Variants in OPN4 observed in about 807,000 individuals in gnomAD.
OPN4 encodes melanopsin.
OPN4 carries 43 observed loss-of-function variants against 49.5 expected under a neutral mutation model. The ratio of observed to expected loss-of-function variants is 0.87; its 90% CI spans 0.68 to 1.12. The LOEUF (loss-of-function observed/expected upper bound fraction) is 1.12, where lower values mean the gene tolerates loss of function less well. Among genes scored for constraint, OPN4 ranks in the 50% most tolerant of loss-of-function variants. OPN4 has a pLI of 0.00. For missense variants in OPN4, 657 were observed against 643.9 expected (o/e 1.02, Z -0.22); for synonymous variants, 263 against 258.0 (o/e 1.02, Z -0.19).
In OPN4 at chr10:86,661,314, G is replaced by A. The variant is rs769471417; in HGVS notation, c.999G>A (p.Ser333=). 2.2e-5 allele frequency: 36 copies of A among 1,613,930 alleles called. No homozygotes were observed. Among genetic ancestry groups the A allele is most frequent in the African/African-American group, 5.3e-5 (4 of 74,904 alleles). ...YAHVLTPYMS[S]VPAVIAKASA... ...ACGTCCTGACACCCTACATGAGCTCGGTGCCAGCCGTCATCGCCAAGGCCT... is the reference window on the plus strand; with the variant it reads ...ACGTCCTGACACCCTACATGAGCTCAGTGCCAGCCGTCATCGCCAAGGCCT... Residue 333 remains serine, a synonymous_variant, in exon 7 of 10, where the codon TCG becomes TCA. Transcript: ENST00000241891.
rs752410695 is a variant in OPN4, at chr10:86,658,479, C to T, written c.425-5C>T. On this transcript the variant is annotated splice_polypyrimidine_tract_variant and splice_region_variant and intron_variant, in intron 3 of 9. Coordinates refer to ENST00000241891, the MANE Select transcript of OPN4 (RefSeq NM_033282.4). ...CAGGACTCAGAGCAGGGGCTGTGCC[C>T]ACAGGCTGCGAGTTCTATGCCTTCT... 3.6e-5 allele frequency: 58 copies of T among 1,613,924 alleles called. No individual in the cohort carries two copies. Among genetic ancestry groups the T allele is most frequent in the Non-Finnish European group, 4.4e-5 (52 of 1,179,990 alleles).
intron 6 of OPN4, 100 bp downstream of exon 6, chr10:86,660,159 A>C: frequency 1.5e-6 from 2 of 1,321,388 alleles, no homozygotes; most frequent in Non-Finnish European, 2.1e-6. Flanking sequence ...CCGGCCAGCC[A>C]TCCTCGCACC....
intron 4 of OPN4, 58 bp from the exon 5 acceptor site, chr10:86,659,239 A>T (rs1843942096): frequency 2.2e-6 from 3 of 1,393,964 alleles, no homozygotes; most frequent in Admixed American, 1.8e-5. Flanking sequence ...AGCTCCTGCC[A>T]GATAAGGAGC....
intron 2 of OPN4, chr10:86,657,197 C>T (rs757754197): frequency 2.6e-6 from 2 of 780,604 alleles, no homozygotes; most frequent in Non-Finnish European, 4.8e-6. Flanking sequence ...CAAAACAGAG[C>T]TGTGCTTCGT....
Position 86,661,406 on chromosome 10 carries a change from A to G in OPN4, c.1073+18A>G, listed in dbSNP as rs528773349. On this transcript the variant is annotated intron_variant, in intron 7 of 9. Coordinates refer to ENST00000241891, the MANE Select transcript of OPN4 (RefSeq NM_033282.4). Reference sequence around the variant, plus strand: ...AAGTACAGGTGTGGCTCTTTTCCAGAACCCCACACCTTGGCCTCCAAGGGC... The same window carrying G: ...AAGTACAGGTGTGGCTCTTTTCCAGGACCCCACACCTTGGCCTCCAAGGGC... 7 of 1,595,108 alleles carry G rather than the reference A, an allele frequency of 4.4e-6. No individual in the cohort carries two copies. In the South Asian group the frequency reaches 7.8e-5, roughly 18 times the overall value.
At chr10:86,657,296 A>G in intron 2 of OPN4, 2 of 762,690 alleles carry the variant, frequency 2.6e-6, no homozygotes, top group South Asian at 2.8e-5. Context: ...GGAGCAAGTC[A>G]CTTCATGAGT....
chr10:86,659,985 C>G lies in OPN4; in HGVS notation c.891C>G (p.Ile297Met). The change falls in exon 6 of 10, where the codon ATC (isoleucine) becomes ATG (methionine). Residue 297 changes from isoleucine (I) to methionine (M), a missense_variant. Ile to Met is a conservative substitution (Grantham distance 10). Coordinates refer to ENST00000241891, the MANE Select transcript of OPN4 (RefSeq NM_033282.4). ...RLQSECKMAKIMLLVILLFVL... is the reference protein window; with the variant it reads ...RLQSECKMAKMMLLVILLFVL... Reference sequence around the variant, plus strand: ...AGAGCGAGTGCAAGATGGCCAAGATCATGCTGCTGGTCATCCTCCTCTTCG... The same window carrying G: ...AGAGCGAGTGCAAGATGGCCAAGATGATGCTGCTGGTCATCCTCCTCTTCG... 1 of 1,614,228 alleles carries G rather than the reference C, an allele frequency of 6.2e-7. No homozygotes were observed. Among genetic ancestry groups the G allele is most frequent in the Non-Finnish European group, 8.5e-7 (1 of 1,180,032 alleles).
rs573415074 is a variant in OPN4 at position 86,654,801 on chromosome 10, G to T, written c.18G>T (p.Gly6=). The T allele has an allele frequency of 8.1e-6, 13 of 1,612,442 alleles. No individual in the cohort carries two copies. The highest frequency in any genetic ancestry group is 1.1e-5 in the Non-Finnish European group (13 of 1,178,834). ...AACTCAGGATGAACCCTCCTTCGGGGCCAAGAGTCCCGCCCAGCCCAACCC... is the reference window on the plus strand; with the variant it reads ...AACTCAGGATGAACCCTCCTTCGGGTCCAAGAGTCCCGCCCAGCCCAACCC... MNPPS[G]PRVPPSPTQE... is the part of the protein sequence containing the mutation. The change falls in exon 1 of 10, where the codon GGG becomes GGT. Residue 6 remains glycine, a synonymous_variant. Coordinates refer to ENST00000241891, the MANE Select transcript of OPN4 (RefSeq NM_033282.4).
chr10:86,660,105 G>T (rs747285988), intron 6 of OPN4, 46 bp downstream of exon 6: 2 of 1,599,098 alleles, frequency 1.3e-6, no homozygotes, highest in Non-Finnish European at 1.7e-6. Context: ...AGGTGTGGGG[G>T]CAGGAGCAAG....
At position 86,654,787 on chromosome 10, in the gene OPN4, A is replaced by T; in HGVS notation, c.4A>T (p.Asn2Tyr). The T allele has an allele frequency of 6.2e-7, 1 of 1,611,686 alleles. No homozygotes were observed. The highest frequency in any genetic ancestry group is 1.3e-5 in the African/African-American group (1 of 75,014). Residue 2 changes from asparagine to tyrosine, a missense_variant, in exon 1 of 10, where the codon AAC (asparagine) becomes TAC (tyrosine). Transcript: ENST00000241891. ...GCAAGGACCATCCCAACTCAGGATG[A>T]ACCCTCCTTCGGGGCCAAGAGTCCC... MNPPSGPRVPPS... is the reference protein window; with the variant it reads MYPPSGPRVPPS...
chr10:86,663,773 C>T lies in OPN4; in HGVS notation c.1369C>T (p.Gln457Ter). ...GGAAGCCAAGGCACCCCCCAGACCCCAGGGACACGAAGCAGAGACTCCAGG... is the reference window on the plus strand; with the variant it reads ...GGAAGCCAAGGCACCCCCCAGACCCTAGGGACACGAAGCAGAGACTCCAGG... ...DLEAKAPPRP[Q>*]GHEAETPGKT... Residue 457 changes from glutamine to a stop codon, truncating the protein, a stop_gained, in exon 9 of 10, where the codon CAG becomes TAG. Coordinates refer to ENST00000241891, the MANE Select transcript of OPN4 (RefSeq NM_033282.4). LOFTEE classifies it high-confidence loss of function. 6.4e-7 allele frequency: 1 copy of T among 1,558,058 alleles called. No individual in the cohort carries two copies. Among genetic ancestry groups the T allele is most frequent in the Non-Finnish European group, 8.7e-7 (1 of 1,151,132 alleles).
At chr10:86,661,833 C>T (rs1427258974) in intron 7 of OPN4, among the ~76,000 whole-genome samples, 3 of 152,154 alleles carry the variant, frequency 2.0e-5, no homozygotes, top group African/African-American at 7.2e-5. Context: ...GCTGCTTCTC[C>T]CTTAGTGCTT....
At chr10:86,660,181 T>A in intron 6 of OPN4, 122 bp downstream of exon 6, 1 of 1,094,404 alleles carries the variant, frequency 9.1e-7, no homozygotes, top group East Asian at 2.5e-5. Flanking sequence ...TAGGACCAGC[T>A]TCACAGCTTA....
intron 5 of OPN4, among the ~76,000 whole-genome samples, 186 bp from the exon 6 acceptor site, chr10:86,659,708 TA>T (rs919473258): frequency 1.3e-5 from 2 of 151,674 alleles, no homozygotes; most frequent in African/African-American, 4.8e-5. Flanking sequence ...CAAGAGGGAG[TA>T]GGGGGCAGCT....
At chr10:86,664,093 CAT>C (rs1217437600) in intron 9 of OPN4, 8 of 351,804 alleles carry the variant, frequency 2.3e-5, no homozygotes, top group Non-Finnish European at 3.6e-5. Flanking sequence ...GATAAGAGTA[CAT>C]GTGTGTGTTG....
At chr10:86,659,052 G>T (rs576129635) in intron 4 of OPN4, among the ~76,000 whole-genome samples, 1 of 152,314 alleles carries the variant, frequency 6.6e-6, no homozygotes, top group African/African-American at 2.4e-5. Context: ...CAGGCCTCTG[G>T]CTGAAGCCCT....
In OPN4 at chr10:86,662,308, G is replaced by A. The variant is rs142050572; in HGVS notation, c.1130G>A (p.Arg377Gln). 35 of 1,607,880 alleles carry A rather than the reference G, an allele frequency of 2.2e-5. No homozygotes were observed. Among genetic ancestry groups the A allele is most frequent in the South Asian group, 5.6e-5 (5 of 89,582 alleles). ...GGGGTGCTGCTGGGTGTATCACGCC[G>A]GCACAGTCGCCCCTACCCCAGCTAC... is the stretch of plus-strand genomic sequence containing the variant. ...CLGVLLGVSR[R>Q]HSRPYPSYRS... The change falls in exon 8 of 10, where the codon CGG (arginine) becomes CAG (glutamine). Residue 377 changes from arginine to glutamine, a missense_variant. Transcript: ENST00000241891.
intron 1 of OPN4, among the ~76,000 whole-genome samples, chr10:86,655,158 G>A (rs1843835416): frequency 6.6e-6 from 1 of 152,208 alleles, no homozygotes; most frequent in South Asian, 2.1e-4. Context: ...AGAAATGCCA[G>A]CCCTGAGGAC....
At position 86,666,017 on chromosome 10, in the gene OPN4, T is replaced by G; in HGVS notation, c.*266T>G. 18 of 507,064 alleles carry G rather than the reference T, an allele frequency of 3.5e-5. No homozygotes were observed. Among genetic ancestry groups the G allele is most frequent in the East Asian group, 1.0e-4 (3 of 29,314 alleles). The allele number at this position is 507,064 out of a possible 1,614,324, so 31.4% of individuals were successfully genotyped here. On this transcript the variant is annotated 3_prime_UTR_variant, in exon 10 of 10. Coordinates refer to ENST00000241891, the MANE Select transcript of OPN4 (RefSeq NM_033282.4). ...GGGGTATGTGCCCAGGCCCTCCCAC[T>G]TCCCGAGTTGTCTGCCTCTCCTCAA... is the stretch of plus-strand genomic sequence containing the variant.
Sources: gnomAD v4.1 joint callset for allele counts (sites outside exome capture counted in the v4.1 genomes callset) on GRCh38, gnomAD v4.1.1 for gene constraint, MANE v1.5 for transcripts, NCBI Gene and HGNC (gene_info 2026-07-23, HGNC 2026-07-21) for gene names.